Variants in SSBP2 observed in about 807,000 individuals in gnomAD.
The protein encoded by SSBP2 is single stranded DNA binding protein 2, also known as single-stranded DNA-binding protein 2.
In SSBP2, 17 loss-of-function variants were observed where a neutral mutation model predicts 61.8. That is an observed-to-expected ratio of 0.28 (90% CI 0.19 to 0.41). The LOEUF is 0.41. Among genes scored for constraint, SSBP2 ranks in the 10% least tolerant of loss-of-function variants. The pLI, the probability that SSBP2 is intolerant of heterozygous loss-of-function variation, is 1.00. For missense variants in SSBP2, 310 were observed against 458.7 expected (o/e 0.68, Z 2.96); for synonymous variants, 139 against 141.3 (o/e 0.98, Z 0.12).
intron 4 of SSBP2, among the ~76,000 whole-genome samples, chr5:81,563,227 A>T (rs1001641989): frequency 6.6e-6 from 1 of 152,214 alleles, no homozygotes; most frequent in Non-Finnish European, 1.5e-5. Flanking sequence ...TTTTCAACAA[A>T]GATGCAAATA....
At chr5:81,439,153 G>T (rs989968288) in intron 14 of SSBP2, among the ~76,000 whole-genome samples, 7 of 151,902 alleles carry the variant, frequency 4.6e-5, no homozygotes. Flanking sequence ...CTTAGGTCGG[G>T]AAGTGAAATC....
intron 5 of SSBP2, among the ~76,000 whole-genome samples, chr5:81,511,805 T>C (rs1462236430): frequency 1.3e-5 from 2 of 152,212 alleles, no homozygotes; most frequent in Admixed American, 6.5e-5. Flanking sequence ...AGGTACACAC[T>C]ACACCTGCTA....
In SSBP2 at chr5:81,623,587, G is replaced by A. The variant is rs1167374350; in HGVS notation, c.198-8030C>T. On this transcript the variant is annotated intron_variant, in intron 3 of 16. Coordinates refer to ENST00000320672, the MANE Select transcript of SSBP2 (RefSeq NM_012446.5). Reference sequence around the variant, plus strand: ...CCTGACCTCATGATCCGCCCGTCTCGGCCTCCCAAAGTGCTGGGATTACAG... The same window carrying A: ...CCTGACCTCATGATCCGCCCGTCTCAGCCTCCCAAAGTGCTGGGATTACAG... Among the ~76,000 whole-genome samples the A allele has an allele frequency of 7.3e-5, 11 of 151,634 alleles. No homozygotes were observed. The South Asian group carries it at 1.0e-3, about 14-fold the overall frequency.
chr5:81,543,219 T>C (rs763064264), intron 4 of SSBP2, among the ~76,000 whole-genome samples: 37 of 152,112 alleles, frequency 2.4e-4, no homozygotes, highest in Admixed American at 7.9e-4. Flanking sequence ...CCACCACGAT[T>C]GTAAGTTTCC....
intron 1 of SSBP2, among the ~76,000 whole-genome samples, chr5:81,709,340 A>AT (rs1754614444): frequency 6.6e-6 from 1 of 151,856 alleles, no homozygotes; most frequent in Non-Finnish European, 1.5e-5. Flanking sequence ...TTATTTTTCC[A>AT]TTTTCTTCTG....
chr5:81,595,837 T>C (rs1743682728), intron 4 of SSBP2, among the ~76,000 whole-genome samples: 1 of 152,202 alleles, frequency 6.6e-6, no homozygotes, highest in Non-Finnish European at 1.5e-5. Flanking sequence ...TGATGGGACG[T>C]ATTTCAAAAT....
intron 6 of SSBP2, among the ~76,000 whole-genome samples, chr5:81,480,532 G>A (rs1765909384): frequency 6.6e-6 from 1 of 152,208 alleles, no homozygotes; most frequent in African/African-American, 2.4e-5. Context: ...CTTGATGGTT[G>A]CTGACTGATC....
chr5:81,444,380 C>A lies in SSBP2; in HGVS notation c.779-1657G>T, dbSNP rs563864732. Among the ~76,000 whole-genome samples, 3 of 152,316 alleles carry A rather than the reference C, an allele frequency of 2.0e-5. No homozygotes were observed. In the South Asian group the frequency reaches 6.2e-4, roughly 32 times the overall value. On this transcript the variant is annotated intron_variant, in intron 12 of 16. Transcript: ENST00000320672. The stretch of plus-strand genomic sequence containing the variant: ...ATTCTACTCACTATCGAAGGGCTAT[C>A]TCAAATGTTATGTCTTCCATGAGGT...
chr5:81,527,191 C>T (rs1244872753), intron 4 of SSBP2, among the ~76,000 whole-genome samples: 1 of 151,778 alleles, frequency 6.6e-6, no homozygotes, highest in Admixed American at 6.6e-5. Flanking sequence ...AGAAAGTAAG[C>T]ACATGATTAT....
intron 4 of SSBP2, among the ~76,000 whole-genome samples, chr5:81,539,795 G>A (rs1327012520): frequency 6.6e-6 from 1 of 152,090 alleles, no homozygotes; most frequent in Non-Finnish European, 1.5e-5. Flanking sequence ...TGCAGAACGT[G>A]CAGGTTTGTT....
chr5:81,439,961 G>A (rs1226393548), intron 14 of SSBP2, among the ~76,000 whole-genome samples: 2 of 151,974 alleles, frequency 1.3e-5, no homozygotes, highest in Admixed American at 1.3e-4. Flanking sequence ...GTGAGCCATG[G>A]CGCCTGGCCT....
At chr5:81,616,858 G>T (rs1746112846) in intron 3 of SSBP2, among the ~76,000 whole-genome samples, 1 of 152,126 alleles carries the variant, frequency 6.6e-6, no homozygotes, top group Non-Finnish European at 1.5e-5. Flanking sequence ...ACCTCACACA[G>T]CCGGGTACTC....
intron 13 of SSBP2, among the ~76,000 whole-genome samples, chr5:81,442,232 C>A (rs1414332347): frequency 6.6e-6 from 1 of 151,954 alleles, no homozygotes; most frequent in African/African-American, 2.4e-5. Context: ...GTCTAGATTT[C>A]ATATTCTAAA....
At chr5:81,713,905 T>C (rs751338998) in intron 1 of SSBP2, among the ~76,000 whole-genome samples, 1 of 152,148 alleles carries the variant, frequency 6.6e-6, no homozygotes, top group Non-Finnish European at 1.5e-5. Flanking sequence ...ACTGGATTTT[T>C]ATTATTTTTA....
chr5:81,486,905 G>A (rs1766427553), intron 6 of SSBP2, among the ~76,000 whole-genome samples: 1 of 152,224 alleles, frequency 6.6e-6, no homozygotes, highest in African/African-American at 2.4e-5. Flanking sequence ...TCCCCTGGGG[G>A]TGAATCTGAG....
At chr5:81,489,794 C>A (rs1304983856) in intron 5 of SSBP2, among the ~76,000 whole-genome samples, 1 of 151,970 alleles carries the variant, frequency 6.6e-6, no homozygotes, top group Non-Finnish European at 1.5e-5. Flanking sequence ...AAATAAATTT[C>A]TTTTCCAAGG....
intron 15 of SSBP2, among the ~76,000 whole-genome samples, chr5:81,434,054 T>A (rs554594722): frequency 2.0e-5 from 3 of 152,200 alleles, no homozygotes; most frequent in Non-Finnish European, 4.4e-5. Flanking sequence ...AAAATCTTTA[T>A]GTTACAGCTA....
intron 1 of SSBP2, among the ~76,000 whole-genome samples, chr5:81,687,664 T>C (rs1255324461): frequency 6.6e-6 from 1 of 152,104 alleles, no homozygotes; most frequent in Non-Finnish European, 1.5e-5. Flanking sequence ...ACCAGCTCGG[T>C]CACAGTAGGA....
chr5:81,582,333 A>G (rs1774720230), intron 4 of SSBP2, among the ~76,000 whole-genome samples: 1 of 152,212 alleles, frequency 6.6e-6, no homozygotes, highest in Non-Finnish European at 1.5e-5. Context: ...TTCCATTTTA[A>G]AAATTTAAGA....
Sources: gnomAD v4.1 joint callset for allele counts (sites outside exome capture counted in the v4.1 genomes callset) on GRCh38, gnomAD v4.1.1 for gene constraint, MANE v1.5 for transcripts, NCBI Gene and HGNC (gene_info 2026-07-23, HGNC 2026-07-21) for gene names.